TFRC: variants seen among roughly 807,000 people sequenced by gnomAD.
The protein encoded by TFRC is transferrin receptor, also known as transferrin receptor protein 1.
A neutral mutation model predicts 85.8 loss-of-function variants in TFRC; 35 were observed. The ratio of observed to expected loss-of-function variants is 0.41; its 90% CI spans 0.31 to 0.54. The LOEUF (loss-of-function observed/expected upper bound fraction) is 0.54, where lower values mean the gene tolerates loss of function less well. Ranked by LOEUF, TFRC falls within the 20% of genes least tolerant of loss-of-function variation. TFRC has a pLI of 0.31. For missense variants in TFRC, 828 were observed against 921.5 expected (o/e 0.90, Z 1.31); for synonymous variants, 362 against 328.6 (o/e 1.10, Z -1.10).
intron 9 of TFRC, 73 bp downstream of exon 9, chr3:196,067,445 T>C: frequency 6.9e-7 from 1 of 1,449,446 alleles, no homozygotes; most frequent in Non-Finnish European, 9.3e-7. Flanking sequence ...TTTAACATTT[T>C]AATCAACATA....
At position 196,071,988 on chromosome 3, in the gene TFRC, CA is replaced by C; in HGVS notation, c.584+14del. 1 of 1,602,254 alleles carries C rather than the reference CA, an allele frequency of 6.2e-7. No individual in the cohort carries two copies. The highest frequency in any genetic ancestry group is 8.5e-7 in the Non-Finnish European group (1 of 1,174,598). On this transcript the variant is annotated intron_variant, in intron 5 of 18. Transcript: ENST00000360110. ...GCTACTTGTATAAAAATAAGTTTAC[CA>C]TCTTTCAACATACCTGTCTTTGACC...
chr3:196,060,080 T>C, intron 14 of TFRC, 100 bp downstream of exon 14: 2 of 912,718 alleles, frequency 2.2e-6, no homozygotes. Context: ...TCAATTCCTA[T>C]TTTTTGTTAC....
chr3:196,060,990 G>C (rs905301517), intron 13 of TFRC, among the ~76,000 whole-genome samples: 9 of 151,970 alleles, frequency 5.9e-5, no homozygotes, highest in Non-Finnish European at 7.4e-5. Flanking sequence ...GCTATACTCA[G>C]CACATTCTGC....
At position 196,075,220 on chromosome 3, in the gene TFRC, T is replaced by C. The variant is rs371772733; in HGVS notation, c.177A>G (p.Pro59=). 9.9e-6 allele frequency: 16 copies of C among 1,614,092 alleles called. No homozygotes were observed. The highest frequency in any genetic ancestry group is 1.4e-5 in the Non-Finnish European group (16 of 1,180,056). Residue 59 remains proline (P), a synonymous_variant, in exon 3 of 19, where the codon CCA becomes CCG. Coordinates refer to ENST00000360110, the MANE Select transcript of TFRC (RefSeq NM_001128148.3). ...AGCAGATACTTCCACTACACCTTTT[T>C]GGTTTTGTGACATTGGCCTTTGTGT... ...DNNTKANVTK[P]KRCSGSICYG... is the part of the protein sequence containing the mutation.
intron 16 of TFRC, among the ~76,000 whole-genome samples, chr3:196,057,233 A>C (rs1716871009): frequency 2.0e-5 from 3 of 152,146 alleles, no homozygotes; most frequent in Admixed American, 1.3e-4. Context: ...CCCTGACCTA[A>C]CCAGTTATGT....
chr3:196,075,990 T>C (rs1198670197), intron 2 of TFRC, among the ~76,000 whole-genome samples: 5 of 147,384 alleles, frequency 3.4e-5, no homozygotes, highest in Non-Finnish European at 6.0e-5. Context: ...AAAAAACCAC[T>C]AGCTGGGCAT....
intron 4 of TFRC, among the ~76,000 whole-genome samples, chr3:196,073,421 G>C (rs1718396758): frequency 6.6e-6 from 1 of 152,028 alleles, no homozygotes; most frequent in African/African-American, 2.4e-5. Flanking sequence ...GCCTCCACCA[G>C]AGGGAGACAT....
chr3:196,071,620 A>G (rs1222369170), intron 5 of TFRC, 122 bp from the exon 6 acceptor site: 15 of 1,030,662 alleles, frequency 1.5e-5, no homozygotes, highest in South Asian at 2.9e-5. Flanking sequence ...CTTAAGCTTG[A>G]TTTTTATTTT....
intron 1 of TFRC, among the ~76,000 whole-genome samples, chr3:196,080,937 C>T (rs1400351096): frequency 6.6e-6 from 1 of 152,158 alleles, no homozygotes; most frequent in East Asian, 1.9e-4. Context: ...TAGCCAAATA[C>T]AATTTCCTAC....
chr3:196,074,651 C>A (rs543721282), intron 3 of TFRC, among the ~76,000 whole-genome samples: 1 of 151,882 alleles, frequency 6.6e-6, no homozygotes, highest in African/African-American at 2.4e-5. Flanking sequence ...GAGGCTGAGG[C>A]GGGCAGATCA....
chr3:196,065,970 CAG>C (rs1302594968), intron 9 of TFRC, among the ~76,000 whole-genome samples: 3 of 148,360 alleles, frequency 2.0e-5, no homozygotes, highest in African/African-American at 7.4e-5. Flanking sequence ...GCCTGGGCAA[CAG>C]AGCACAAGTC....
rs142135886 is a variant in TFRC, at chr3:196,049,733, C to A, written c.*2209G>T. On this transcript the variant is annotated 3_prime_UTR_variant, in exon 19 of 19. Coordinates refer to ENST00000360110, the MANE Select transcript of TFRC (RefSeq NM_001128148.3). ...CATTTAAGTACGTGTGCGTAACACC[C>A]GAACCAGGAATCTCAGCTATGACCT... is the stretch of plus-strand genomic sequence containing the variant. 8.7e-6 allele frequency: 2 copies of A among 229,942 alleles called. No homozygotes were observed. 14.2% of individuals were successfully genotyped at this position (229,942 alleles called of 1,614,324 possible).
chr3:196,053,611 T>C, intron 17 of TFRC, 53 bp from the exon 18 acceptor site: 1 of 1,600,626 alleles, frequency 6.2e-7, no homozygotes, highest in Non-Finnish European at 8.5e-7. Flanking sequence ...GACATTCTTT[T>C]GTATGCCTTT....
Position 196,062,324 on chromosome 3 carries a change from G to C in TFRC, c.1468+258C>G. 3 of 411,578 alleles carry C rather than the reference G, an allele frequency of 7.3e-6. No individual in the cohort carries two copies. In the South Asian group the frequency reaches 8.7e-5, roughly 12 times the overall value. 25.5% of individuals were successfully genotyped at this position (411,578 alleles called of 1,614,324 possible). On this transcript the variant is annotated intron_variant, in intron 13 of 18. Coordinates refer to ENST00000360110, the MANE Select transcript of TFRC (RefSeq NM_001128148.3). ...AGGCAGGCAGATCGCCTGAGGTCAG[G>C]AGTTCGAGACCATCCTGGCCAACAT... is the stretch of plus-strand genomic sequence containing the variant.
chr3:196,077,912 A>G (rs1337843670), intron 1 of TFRC, among the ~76,000 whole-genome samples: 1 of 152,098 alleles, frequency 6.6e-6, no homozygotes, highest in African/African-American at 2.4e-5. Flanking sequence ...GATCTTTGAC[A>G]CAAGAAGAAA....
chr3:196,052,587 T>C (rs549053001), intron 18 of TFRC, among the ~76,000 whole-genome samples: 2 of 152,134 alleles, frequency 1.3e-5, no homozygotes, highest in East Asian at 2.0e-4. Context: ...ATTACAGGCA[T>C]GCACCACCAC....
At position 196,065,427 on chromosome 3, in the gene TFRC, G is replaced by GGGC; in HGVS notation, c.1198+15_1198+16insGCC. 1.4e-6 allele frequency: 1 copy of GGGC among 697,814 alleles called. No homozygotes were observed. Among genetic ancestry groups the GGGC allele is most frequent in the Non-Finnish European group, 1.9e-6 (1 of 514,386 alleles). The allele number at this position is 697,814 out of a possible 1,614,324, so 43.2% of individuals were successfully genotyped here. A position where few individuals can be genotyped will look rare whatever the true frequency, so the allele number is the denominator to read the frequency against. On this transcript the variant is annotated intron_variant, in intron 10 of 18. Transcript: ENST00000360110. Reference sequence around the variant, plus strand: ...AAAAAAAAAGCGGGGCGGGGGGGGGGGGGGGCGGTCTTTACCTGGTTCTAC... The same window carrying GGGC: ...AAAAAAAAAGCGGGGCGGGGGGGGGGGGCGGGGGCGGTCTTTACCTGGTTCTAC...
In TFRC at chr3:196,075,982, A is replaced by C. The variant is rs1354331287; in HGVS notation, c.37-622T>G. The stretch of plus-strand genomic sequence containing the variant: ...CTCTCACTAAAAATTCAAAAAAAAA[A>C]AAACCACTAGCTGGGCATGGTGTCG... On this transcript the variant is annotated intron_variant, in intron 2 of 18. Coordinates refer to ENST00000360110, the MANE Select transcript of TFRC (RefSeq NM_001128148.3). Among the ~76,000 whole-genome samples the C allele has an allele frequency of 4.0e-5, 6 of 151,410 alleles. No individual in the cohort carries two copies. The East Asian group carries it at 9.7e-4, about 24-fold the overall frequency.
intron 10 of TFRC, 83 bp downstream of exon 10, chr3:196,065,360 C>A: frequency 1.2e-6 from 1 of 828,042 alleles, no homozygotes; most frequent in Non-Finnish European, 1.8e-6. Context: ...TTCCTACACT[C>A]GCTCCTTCTC....
Sources: gnomAD v4.1 joint callset for allele counts (sites outside exome capture counted in the v4.1 genomes callset) on GRCh38, gnomAD v4.1.1 for gene constraint, MANE v1.5 for transcripts, NCBI Gene and HGNC (gene_info 2026-07-23, HGNC 2026-07-21) for gene names.